MZT2A: variants seen among roughly 807,000 people sequenced by gnomAD.
MZT2A encodes mitotic spindle organizing protein 2A.
A neutral mutation model predicts 12.4 loss-of-function variants in MZT2A; 8 were observed. The ratio of observed to expected loss-of-function variants is 0.64; its 90% confidence interval spans 0.38 to 1.16. MZT2A has a LOEUF of 1.16. MZT2A is among the 50% of genes most tolerant of loss of function. The pLI, the probability that MZT2A is intolerant of heterozygous loss-of-function variation, is 0.01. For missense variants in MZT2A, 181 were observed against 223.6 expected, an observed-to-expected ratio of 0.81 and a Z score of 1.22; for synonymous variants, 88 against 107.5, an observed-to-expected ratio of 0.82 and a Z score of 1.12.
At chr2:131,481,041 T>C (rs1238118822), downstream of MZT2A, among the ~76,000 whole-genome samples, 1 of 151,092 alleles carries the variant, frequency 6.6e-6, no homozygotes, top group Non-Finnish European at 1.5e-5. Context: ...GTAGCTGGGA[T>C]TACAGGTACC....
chr2:131,470,563 A>G (rs1704961863), intron 3 of MZT2A, among the ~76,000 whole-genome samples: 1 of 152,210 alleles, frequency 6.6e-6, no homozygotes, highest in South Asian at 2.1e-4. Flanking sequence ...GTGCTGAGCA[A>G]CAACCCCACA....
intron 2 of MZT2A, among the ~76,000 whole-genome samples, chr2:131,489,103 GACCCTTCCTGCTCCACCCTGTGTA>G (rs1679177520): frequency 6.6e-6 from 1 of 152,126 alleles, no homozygotes; most frequent in Admixed American, 6.5e-5. Context: ...GGGCTCTGCT[GACCCTTCCTGCTCCACCCTGTGTA>G]ACCCTTGCTG....
chr2:131,490,276 C>T (rs1235396594), intron 2 of MZT2A: 1 of 995,852 alleles, frequency 1.0e-6, no homozygotes, highest in Non-Finnish European at 1.2e-6. Context: ...ATCTGTGTGG[C>T]ACTGCCTGGC....
chr2:131,479,511 G>T, downstream of MZT2A: 1 of 1,599,276 alleles, frequency 6.3e-7, no homozygotes, highest in Non-Finnish European at 8.5e-7. Flanking sequence ...GGTAGTTCTT[G>T]GAATGTGAAA....
chr2:131,474,247 G>A (rs1334803542), intron 2 of MZT2A, among the ~76,000 whole-genome samples: 4 of 150,616 alleles, frequency 2.7e-5, no homozygotes, highest in Non-Finnish European at 4.4e-5. Flanking sequence ...GCAGGCACCC[G>A]CCGCCACGCC....
intron 2 of MZT2A, chr2:131,490,985 G>A: frequency 6.5e-7 from 1 of 1,542,390 alleles, no homozygotes; most frequent in Non-Finnish European, 8.8e-7. Flanking sequence ...TGGGTCAGCG[G>A]GCGTGGGTGC....
downstream of MZT2A, chr2:131,480,518 C>A (rs375649576): frequency 3.1e-6 from 5 of 1,601,758 alleles, no homozygotes; most frequent in Non-Finnish European, 4.2e-6. Flanking sequence ...ATGCCCCAGT[C>A]ATCTCAGCTG....
downstream of MZT2A, chr2:131,482,529 G>A: frequency 1.3e-6 from 2 of 1,589,226 alleles, no homozygotes; most frequent in Non-Finnish European, 1.7e-6. Flanking sequence ...TTCATGGACT[G>A]CTTTCTTTCC....
intron 2 of MZT2A, chr2:131,476,263 G>T (rs1678664062): frequency 1.2e-6 from 2 of 1,612,840 alleles, no homozygotes; most frequent in Admixed American, 3.3e-5. Context: ...GCCTCGGGTG[G>T]ACAGAGGGAC....
chr2:131,475,147 AT>A (rs1424363634), intron 2 of MZT2A, among the ~76,000 whole-genome samples: 1 of 150,462 alleles, frequency 6.6e-6, no homozygotes, highest in African/African-American at 2.5e-5. Context: ...ATTTTTTTGT[AT>A]TTTTTGTAAA....
intron 2 of MZT2A, among the ~76,000 whole-genome samples, chr2:131,485,819 T>C (rs1456684727): frequency 6.6e-6 from 1 of 151,986 alleles, no homozygotes; most frequent in Admixed American, 6.6e-5. Context: ...CATTAGGTCA[T>C]TTGTTTCACC....
chr2:131,480,236 G>C (rs768939800), downstream of MZT2A: 25 of 1,613,774 alleles, frequency 1.5e-5, no homozygotes, highest in Non-Finnish European at 1.8e-5. Context: ...CCACAGCCGT[G>C]GTGGAGCCCT....
downstream of MZT2A, among the ~76,000 whole-genome samples, chr2:131,479,651 C>T (rs1678784622): frequency 6.6e-6 from 1 of 152,098 alleles, no homozygotes; most frequent in South Asian, 2.1e-4. Flanking sequence ...ACCAGCCTGG[C>T]CTACATGGTG....
intron 2 of MZT2A, among the ~76,000 whole-genome samples, chr2:131,474,017 T>G (rs1445424285): frequency 6.7e-6 from 1 of 149,940 alleles, no homozygotes; most frequent in Non-Finnish European, 1.5e-5. Context: ...GGCATTTTGT[T>G]CCTGACTAGC....
At chr2:131,476,398 T>C (rs985409433) in intron 2 of MZT2A, among the ~76,000 whole-genome samples, 2 of 152,154 alleles carry the variant, frequency 1.3e-5, no homozygotes, top group African/African-American at 4.8e-5. Context: ...GCTTTTGTTT[T>C]AGATGAAGCT....
At chr2:131,473,161 A>AG (rs1678514389) in intron 2 of MZT2A, among the ~76,000 whole-genome samples, 1 of 151,914 alleles carries the variant, frequency 6.6e-6, no homozygotes, top group African/African-American at 2.4e-5. Context: ...CAGAACTGTG[A>AG]GAAAATAAAA....
upstream of MZT2A, chr2:131,493,272 C>G: frequency 7.5e-7 from 1 of 1,333,866 alleles, no homozygotes; most frequent in Non-Finnish European, 9.6e-7. Flanking sequence ...CCAGGCCGGG[C>G]AGGCTGGGGA....
chr2:131,483,010 G>C, downstream of MZT2A: 1 of 1,283,392 alleles, frequency 7.8e-7, no homozygotes, highest in East Asian at 2.5e-5. Context: ...GACAGCGGTG[G>C]GGTGCCAGCC....
intron 3 of MZT2A, chr2:131,471,985 T>A (rs1344527172): frequency 3.4e-6 from 4 of 1,188,140 alleles, no homozygotes; most frequent in Middle Eastern, 2.3e-4. Flanking sequence ...CCCAAGGAGG[T>A]CTTTAAACAT....
Sources: allele counts gnomAD v4.1 joint callset (sites outside exome capture counted in the v4.1 genomes callset), GRCh38; gene constraint gnomAD v4.1.1; transcripts MANE v1.5; gene names NCBI Gene and HGNC (gene_info 2026-07-23, HGNC 2026-07-21).